The following ADCY3 variants were observed in gnomAD, a reference collection of about 807,000 sequenced individuals.
The protein encoded by ADCY3 is adenylate cyclase 3, also known as adenylate cyclase type 3.
Under a neutral mutation model 119.4 loss-of-function variants are expected in ADCY3, and 70 were observed. The observed-to-expected ratio is 0.59, with a 90% CI of 0.48 to 0.72. The LOEUF (loss-of-function observed/expected upper bound fraction) is 0.72, where lower values mean the gene tolerates loss of function less well. Ranked by LOEUF, ADCY3 falls within the 30% of genes least tolerant of loss-of-function variation. ADCY3 has a pLI of 0.00. For missense variants in ADCY3, 1,238 were observed against 1,541.6 expected (o/e 0.80, Z 3.30); for synonymous variants, 672 against 621.4 (o/e 1.08, Z -1.21).
intron 17 of ADCY3, 137 bp from the exon 18 acceptor site, chr2:24,823,492 A>ATTTTT (rs5829941): frequency 1.3e-4 from 83 of 660,082 alleles, no homozygotes; most frequent in Middle Eastern, 4.5e-4. Context: ...TTATTCCAGC[A>ATTTTT]TTTTTTTTTT....
chr2:24,919,615 C>G lies in ADCY3; in HGVS notation c.-198+68G>C, dbSNP rs557061887. On this transcript the variant is annotated intron_variant, in intron 1 of 21. Transcript: ENST00000679454. The surrounding 1 kb of genome is among the most constrained non-coding windows in gnomAD (Gnocchi z 5.5). ...AACCCTTGGAGGCTCGGGCTCCGATCCGGCCCCCTTCCCACGCTCGGGGCG... is the reference window on the plus strand; with the variant it reads ...AACCCTTGGAGGCTCGGGCTCCGATGCGGCCCCCTTCCCACGCTCGGGGCG... 1 of 152,428 alleles carries G rather than the reference C, an allele frequency of 6.6e-6. No individual in the cohort carries two copies. The highest frequency in any genetic ancestry group is 1.5e-5 in the Non-Finnish European group (1 of 68,210). 9.4% of individuals were successfully genotyped at this position (152,428 alleles called of 1,614,324 possible). A position where few individuals can be genotyped will look rare whatever the true frequency, so the allele number is the denominator to read the frequency against.
intron 2 of ADCY3, among the ~76,000 whole-genome samples, chr2:24,900,310 A>C (rs1678753745): frequency 1.4e-5 from 2 of 146,240 alleles, no homozygotes; most frequent in African/African-American, 5.0e-5. Context: ...ATGCCACTGC[A>C]CTCCAGCCTG....
intron 3 of ADCY3, among the ~76,000 whole-genome samples, chr2:24,863,098 G>A (rs1371769395): frequency 6.6e-6 from 1 of 152,194 alleles, no homozygotes; most frequent in Non-Finnish European, 1.5e-5. Context: ...AGGCTTGAAG[G>A]AATATGCCTC....
intron 13 of ADCY3, among the ~76,000 whole-genome samples, chr2:24,830,240 C>T (rs1260030301): frequency 6.9e-6 from 1 of 145,322 alleles, no homozygotes; most frequent in African/African-American, 2.6e-5. Flanking sequence ...GGGGTTTCAC[C>T]ATGTTGGCCA....
At chr2:24,908,660 G>A (rs908800646) in intron 2 of ADCY3, among the ~76,000 whole-genome samples, 2 of 151,706 alleles carry the variant, frequency 1.3e-5, no homozygotes, top group Admixed American at 6.6e-5. Flanking sequence ...TCACACTCCC[G>A]TGCCCTTGTT....
intron 3 of ADCY3, among the ~76,000 whole-genome samples, chr2:24,870,404 C>T (rs1674850375): frequency 6.6e-6 from 1 of 151,826 alleles, no homozygotes; most frequent in South Asian, 2.1e-4. Flanking sequence ...AGAGGGGCAG[C>T]AACGAGCCCA....
chr2:24,836,308 G>A (rs775317851), intron 9 of ADCY3, among the ~76,000 whole-genome samples: 10 of 152,234 alleles, frequency 6.6e-5, no homozygotes, highest in Non-Finnish European at 1.2e-4. Flanking sequence ...TACGGCATCT[G>A]CTCTAATGGC....
chr2:24,904,156 A>G (rs1020216867), intron 2 of ADCY3, among the ~76,000 whole-genome samples: 2 of 152,228 alleles, frequency 1.3e-5, no homozygotes, highest in African/African-American at 4.8e-5. Flanking sequence ...AGAGAAAGAA[A>G]GAAAGAAAAA....
At position 24,839,854 on chromosome 2, in the gene ADCY3, C is replaced by T. The variant is rs528795494; in HGVS notation, c.1355+19G>A. On this transcript the variant is annotated intron_variant, in intron 7 of 21. Coordinates refer to ENST00000679454, the MANE Select transcript of ADCY3 (RefSeq NM_004036.5). The stretch of plus-strand genomic sequence containing the variant: ...CCCCTCCCCAGTCCTCAAACCTGCC[C>T]CCTTGGAATGGCACTCACCCAGGGA... 1 of 1,613,652 alleles carries T rather than the reference C, an allele frequency of 6.2e-7. No homozygotes were observed. The highest frequency in any genetic ancestry group is 8.5e-7 in the Non-Finnish European group (1 of 1,179,978).
chr2:24,849,814 C>G lies in ADCY3; in HGVS notation c.826-7430G>C, dbSNP rs1051365146. On this transcript the variant is annotated intron_variant, in intron 3 of 21. Transcript: ENST00000679454. ...GAGGGGCCCTCCCCCTGCCACCCCCCAAGCCTCAGGGCCTCTGGCAACCGC... is the reference window on the plus strand; with the variant it reads ...GAGGGGCCCTCCCCCTGCCACCCCCGAAGCCTCAGGGCCTCTGGCAACCGC... 1.3e-3 allele frequency among the ~76,000 whole-genome samples: 197 copies of G among 152,280 alleles called. 1 individual carries two copies. The highest frequency in any genetic ancestry group is 2.8e-3 in the Admixed American group (43 of 15,310).
intron 2 of ADCY3, among the ~76,000 whole-genome samples, chr2:24,897,613 G>A (rs1678431490): frequency 6.6e-6 from 1 of 152,158 alleles, no homozygotes; most frequent in Non-Finnish European, 1.5e-5. Flanking sequence ...TGTCACATGT[G>A]GCTGGCTGTT....
At chr2:24,859,907 A>G (rs888031672) in intron 3 of ADCY3, among the ~76,000 whole-genome samples, 1 of 151,924 alleles carries the variant, frequency 6.6e-6, no homozygotes, top group Non-Finnish European at 1.5e-5. Flanking sequence ...TCTACCCTAG[A>G]CCCTGTGCAG....
chr2:24,856,330 T>C (rs1673000040), intron 3 of ADCY3, among the ~76,000 whole-genome samples: 1 of 152,216 alleles, frequency 6.6e-6, no homozygotes, highest in Non-Finnish European at 1.5e-5. Context: ...GTTCATGTGT[T>C]CTAAGTGCCA....
intron 2 of ADCY3, among the ~76,000 whole-genome samples, chr2:24,896,089 TAA>T (rs931370325): frequency 6.6e-6 from 1 of 152,190 alleles, no homozygotes; most frequent in Non-Finnish European, 1.5e-5. Flanking sequence ...AACATATTTA[TAA>T]AAGTTATATT....
chr2:24,913,079 C>T (rs1420047370), intron 2 of ADCY3, among the ~76,000 whole-genome samples: 4 of 152,252 alleles, frequency 2.6e-5, no homozygotes, highest in Non-Finnish European at 4.4e-5. Flanking sequence ...GCTTCTTTCC[C>T]GTCCCGGGTC....
chr2:24,861,594 C>T (rs1673662163), intron 3 of ADCY3, among the ~76,000 whole-genome samples: 1 of 152,104 alleles, frequency 6.6e-6, no homozygotes, highest in Non-Finnish European at 1.5e-5. Flanking sequence ...GGAGCTTTTA[C>T]AGGAGGAAAG....
At position 24,878,372 on chromosome 2, in the gene ADCY3, G is replaced by A. The variant is rs1169107645; in HGVS notation, c.676-5653C>T. ...TGGGGCTGCTCTAAGTGGGACTGTCGAGTGGAAGTCACCCCACTGGAGGCG... is the reference window on the plus strand; with the variant it reads ...TGGGGCTGCTCTAAGTGGGACTGTCAAGTGGAAGTCACCCCACTGGAGGCG... On this transcript the variant is annotated intron_variant, in intron 2 of 21. Transcript: ENST00000679454. The surrounding 1 kb of genome is among the most constrained non-coding windows in gnomAD (Gnocchi z 4.0). 1.3e-5 allele frequency among the ~76,000 whole-genome samples: 2 copies of A among 152,030 alleles called. No homozygotes were observed. The highest frequency in any genetic ancestry group is 2.9e-5 in the Non-Finnish European group (2 of 68,036).
At chr2:24,820,164 C>T in intron 21 of ADCY3, 50 bp from the exon 22 acceptor site, 4 of 1,039,130 alleles carry the variant, frequency 3.8e-6, no homozygotes, top group East Asian at 3.4e-5. Context: ...GGAGCCTAGA[C>T]TGAGGGCGGG....
At chr2:24,827,328 GCCAGTTACATGCAGCTGCCAT>G (rs1668765989) in intron 15 of ADCY3, among the ~76,000 whole-genome samples, 197 bp downstream of exon 15, 2 of 152,188 alleles carry the variant, frequency 1.3e-5, no homozygotes, top group South Asian at 4.1e-4. Context: ...TGTCCTGCCA[GCCAGTTACATGCAGCTGCCAT>G]CCACCTGGTA....
Sources: gnomAD v4.1 joint callset for allele counts (sites outside exome capture counted in the v4.1 genomes callset) on GRCh38, gnomAD v4.1.1 for gene constraint, Gnocchi (gnomAD v3.1) non-coding constraint, MANE v1.5 for transcripts, NCBI Gene and HGNC (gene_info 2026-07-23, HGNC 2026-07-21) for gene names.